The following MOV10 variants were observed in gnomAD, a reference collection of about 807,000 sequenced individuals.
MOV10 encodes Mov10 RNA helicase.
A neutral mutation model predicts 108.4 loss-of-function variants in MOV10; 39 were observed. That is an observed-to-expected ratio of 0.36 (90% CI 0.28 to 0.47). The LOEUF (loss-of-function observed/expected upper bound fraction) is 0.47, where lower values mean the gene tolerates loss of function less well. Among genes scored for constraint, MOV10 ranks in the 20% least tolerant of loss-of-function variants. MOV10 has a pLI of 1.00. For missense variants in MOV10, 952 were observed against 1,297.6 expected (o/e 0.73, Z 4.09); for synonymous variants, 490 against 523.1 (o/e 0.94, Z 0.86).
intron 2 of MOV10, among the ~76,000 whole-genome samples, chr1:112,681,952 A>G (rs1262418485): frequency 1.3e-5 from 2 of 150,726 alleles, no homozygotes; most frequent in Non-Finnish European, 2.9e-5. Context: ...CTGGAGTGCA[A>G]TGGCGCAGTC....
At chr1:112,680,395 G>C (rs903259772) in intron 2 of MOV10, among the ~76,000 whole-genome samples, 1 of 151,598 alleles carries the variant, frequency 6.6e-6, no homozygotes, top group African/African-American at 2.4e-5. Flanking sequence ...GGTGGCTCAC[G>C]CCTGTAATCC....
intron 5 of MOV10, among the ~76,000 whole-genome samples, chr1:112,690,930 A>G (rs1673524156): frequency 6.6e-6 from 1 of 152,198 alleles, no homozygotes; most frequent in African/African-American, 2.4e-5. Flanking sequence ...GAAGCGTAGG[A>G]TATGTGTAGA....
At chr1:112,699,402 T>C (rs1053819177) in intron 17 of MOV10, 12 of 1,188,940 alleles carry the variant, frequency 1.0e-5, no homozygotes, top group Admixed American at 3.9e-5. Context: ...CAGGAAAGTT[T>C]GAAAGTCACT....
chr1:112,699,570 G>T, intron 17 of MOV10, 115 bp from the exon 18 acceptor site: 1 of 1,536,794 alleles, frequency 6.5e-7, no homozygotes, highest in Non-Finnish European at 8.7e-7. Context: ...TTCACTCACT[G>T]ATCTACAATT....
intron 7 of MOV10, 28 bp downstream of exon 7, chr1:112,692,957 G>T: frequency 1.9e-6 from 3 of 1,587,786 alleles, no homozygotes; most frequent in Middle Eastern, 2.0e-4. Context: ...GTGTGAGGAG[G>T]GTGGGCTCAA....
At chr1:112,695,685 C>A (rs1230630251) in intron 11 of MOV10, 111 bp downstream of exon 11, 18 of 1,263,514 alleles carry the variant, frequency 1.4e-5, no homozygotes, top group Non-Finnish European at 1.9e-5. Flanking sequence ...TGCTATGTGA[C>A]CTTGGGTTGG....
Position 112,694,268 on chromosome 1 carries a change from G to A in MOV10, c.1295+96G>A, listed in dbSNP as rs892875134. 2.7e-5 allele frequency: 41 copies of A among 1,515,400 alleles called. 1 individual carries two copies. Among genetic ancestry groups the A allele is most frequent in the East Asian group, 1.6e-4 (7 of 44,210 alleles). The allele number at this position is 1,515,400 out of a possible 1,614,324, so 93.9% of individuals were successfully genotyped here. A position where few individuals can be genotyped will look rare whatever the true frequency, so the allele number is the denominator to read the frequency against. ...TTCTCCCTGAGATAAATGAGACCCC[G>A]GGGCAGAGCAGGAGACTTTTCCTCA... is the stretch of plus-strand genomic sequence containing the variant. On this transcript the variant is annotated intron_variant, in intron 8 of 20. Coordinates refer to ENST00000369645, the MANE Select transcript of MOV10 (RefSeq NM_001321324.2). The surrounding 1 kb of genome is among the most constrained non-coding windows in gnomAD (Gnocchi z 4.1).
intron 12 of MOV10, 33 bp downstream of exon 12, chr1:112,696,284 G>A (rs185830681): frequency 9.2e-6 from 14 of 1,525,676 alleles, no homozygotes; most frequent in East Asian, 6.8e-5. Flanking sequence ...TCTCTGAATC[G>A]TAAGTGTAAT....
At chr1:112,691,612 C>T in intron 5 of MOV10, 53 bp from the exon 6 acceptor site, 1 of 1,588,826 alleles carries the variant, frequency 6.3e-7, no homozygotes, top group Non-Finnish European at 8.6e-7. Flanking sequence ...GGGGCGTTCT[C>T]AGAGTGTTGG....
chr1:112,684,449 A>T (rs1672917194), intron 2 of MOV10, among the ~76,000 whole-genome samples: 3 of 151,048 alleles, frequency 2.0e-5, no homozygotes, highest in Non-Finnish European at 2.9e-5. Flanking sequence ...TTCTATTTTT[A>T]GTAGAAATGG....
At chr1:112,677,178 A>G (rs1032653839) in intron 2 of MOV10, among the ~76,000 whole-genome samples, 5 of 152,182 alleles carry the variant, frequency 3.3e-5, no homozygotes, top group African/African-American at 1.2e-4. Flanking sequence ...ATGTGGGTTC[A>G]TATTCTATCC....
At chr1:112,693,370 T>A (rs1315272163) in intron 7 of MOV10, among the ~76,000 whole-genome samples, 1 of 152,110 alleles carries the variant, frequency 6.6e-6, no homozygotes. Flanking sequence ...TTGAACAAGT[T>A]TTTTGTTGTT....
chr1:112,698,806 C>G lies in MOV10; in HGVS notation c.2583+17C>G. 2 of 1,607,370 alleles carry G rather than the reference C, an allele frequency of 1.2e-6. No individual in the cohort carries two copies. The highest frequency in any genetic ancestry group is 8.5e-7 in the Non-Finnish European group (1 of 1,173,846). On this transcript the variant is annotated intron_variant, in intron 17 of 20. Coordinates refer to ENST00000369645, the MANE Select transcript of MOV10 (RefSeq NM_001321324.2). ...GACTTGAAGGTGACATGCTGTTCCA[C>G]AGTCACTCCCTGCCTTCCGTGTGCC... is the stretch of plus-strand genomic sequence containing the variant.
At chr1:112,698,189 C>T (rs1674283837) in intron 15 of MOV10, 78 bp downstream of exon 15, 4 of 1,595,920 alleles carry the variant, frequency 2.5e-6, no homozygotes, top group Admixed American at 3.3e-5. Context: ...CCCTTTGTCA[C>T]CTTGGCCTAG....
chr1:112,688,413 A>T, intron 2 of MOV10: 2 of 996,530 alleles, frequency 2.0e-6, no homozygotes, highest in Middle Eastern at 1.0e-3. Context: ...CTTCGGGTGG[A>T]AACTGCTGTC....
chr1:112,699,110 T>C (rs886201397), intron 17 of MOV10: 1 of 339,308 alleles, frequency 2.9e-6, no homozygotes. Flanking sequence ...CAGTAGCCTC[T>C]CTCTTAAGGT....
rs1341606707 is a variant in MOV10 at position 112,689,479 on chromosome 1, G to A, written c.406G>A (p.Asp136Asn). 11 of 1,611,252 alleles carry A rather than the reference G, an allele frequency of 6.8e-6. No individual in the cohort carries two copies. Among genetic ancestry groups the A allele is most frequent in the Non-Finnish European group, 8.5e-6 (10 of 1,178,548 alleles). Reference protein sequence around the residue: ...VEVQGPHEARDGQLLIRLDLN... With the variant: ...VEVQGPHEARNGQLLIRLDLN... ...AGTCCAGGGGCCCCATGAAGCCCGA[G>A]ATGGGCAGCTCCTTATCCGCCTGGA... The change falls in exon 4 of 21, where the codon GAT becomes AAT. Residue 136 changes from aspartate (D) to asparagine (N), a missense_variant. By Grantham distance (23) the Asp-to-Asn change is conservative. Transcript: ENST00000369645.
intron 1 of MOV10, 39 bp from the exon 2 acceptor site, chr1:112,674,809 C>T (rs1181483928): frequency 8.2e-7 from 1 of 1,224,772 alleles, no homozygotes; most frequent in Admixed American, 2.8e-5. Flanking sequence ...GGGGGCTTCC[C>T]TCCTGCTGCA....
chr1:112,697,684 G>A (rs910208849), intron 14 of MOV10, among the ~76,000 whole-genome samples: 1 of 152,178 alleles, frequency 6.6e-6, no homozygotes, highest in African/African-American at 2.4e-5. Flanking sequence ...TAACGTGATA[G>A]TCAAGGAGAA....
Sources: allele counts gnomAD v4.1 joint callset (sites outside exome capture counted in the v4.1 genomes callset), GRCh38; gene constraint gnomAD v4.1.1; non-coding constraint Gnocchi (gnomAD v3.1); transcripts MANE v1.5; gene names NCBI Gene and HGNC (gene_info 2026-07-23, HGNC 2026-07-21).